The following NOM1 variants were observed in gnomAD, a reference collection of about 807,000 sequenced individuals.
NOM1 encodes the protein nucleolar MIF4G domain-containing protein 1.
A neutral mutation model predicts 73.3 loss-of-function variants in NOM1; 58 were observed. The ratio of observed to expected loss-of-function variants is 0.79; its 90% CI spans 0.64 to 0.99. The LOEUF (loss-of-function observed/expected upper bound fraction) is 0.99, where lower values mean the gene tolerates loss of function less well. NOM1 is among the 50% of genes least tolerant of loss of function. NOM1 has a pLI of 0.00. For synonymous variants in NOM1, 487 were observed against 446.8 expected (o/e 1.09, Z -1.14); for missense variants, 1,226 against 1,131.9 (o/e 1.08, Z -1.19).
At chr7:156,967,349 G>T (rs1391728776) in intron 9 of NOM1, among the ~76,000 whole-genome samples, 1 of 152,134 alleles carries the variant, frequency 6.6e-6, no homozygotes, top group Non-Finnish European at 1.5e-5. Flanking sequence ...TTAATTTGCT[G>T]GTCCTAATTA....
chr7:156,951,889 G>T (rs1247110799), intron 1 of NOM1, among the ~76,000 whole-genome samples: 2 of 152,020 alleles, frequency 1.3e-5, no homozygotes, highest in Non-Finnish European at 2.9e-5. Context: ...TGTATTTTCA[G>T]TAGAGATGGG....
chr7:156,973,121 A>G lies in NOM1; in HGVS notation c.*3418A>G, dbSNP rs564559998. ...TCAGGGTATCATTTTTAAAGGTATA[A>G]GGAACAAACTTTAATGTATTGAAAT... On this transcript the variant is annotated 3_prime_UTR_variant, in exon 11 of 11. Transcript: ENST00000275820. The G allele has an allele frequency of 7.9e-5, 12 of 152,286 alleles. No individual in the cohort carries two copies. The highest frequency in any genetic ancestry group is 2.0e-4 in the Admixed American group (3 of 15,302). The allele number at this position is 152,286 out of a possible 1,614,324, so 9.4% of individuals were successfully genotyped here.
chr7:156,962,797 G>T (rs1234719000), intron 5 of NOM1, among the ~76,000 whole-genome samples: 2 of 152,170 alleles, frequency 1.3e-5, no homozygotes, highest in Non-Finnish European at 2.9e-5. Flanking sequence ...AACACAGCGT[G>T]TTTGGGGTGA....
chr7:156,966,439 A>C (rs755725898), intron 8 of NOM1, 37 bp downstream of exon 8: 1 of 1,611,450 alleles, frequency 6.2e-7, no homozygotes, highest in Admixed American at 1.7e-5. Context: ...CGTCCGCTCT[A>C]CTATTTTTTC....
intron 3 of NOM1, among the ~76,000 whole-genome samples, chr7:156,956,438 A>G (rs759341705): frequency 6.6e-6 from 1 of 152,226 alleles, no homozygotes; most frequent in Non-Finnish European, 1.5e-5. Flanking sequence ...ATAAGCGCTC[A>G]TTGAAGGCTC....
chr7:156,952,576 C>T lies in NOM1; in HGVS notation c.1090C>T (p.His364Tyr). 6.2e-7 allele frequency: 1 copy of T among 1,613,904 alleles called. No individual in the cohort carries two copies. The highest frequency in any genetic ancestry group is 8.5e-7 in the Non-Finnish European group (1 of 1,179,960). The part of the protein sequence containing the change: ...KKEELERLKK[H>Y]VKGLLNRLSE... ...GGAAGAACTAGAAAGGCTGAAGAAA[C>T]ATGTAAAAGGTCTACTTAACAGGTG... is the stretch of plus-strand genomic sequence containing the variant. Residue 364 changes from histidine (H) to tyrosine (Y), a missense_variant, in exon 2 of 11, where the codon CAT (histidine) becomes TAT (tyrosine). Physicochemically the swap from His to Tyr is moderately conservative, Grantham distance 83. Transcript: ENST00000275820.
Position 156,952,651 on chromosome 7 carries a change from T to C in NOM1, c.1112+53T>C, listed in dbSNP as rs1401474978. 5 of 1,571,860 alleles carry C rather than the reference T, an allele frequency of 3.2e-6. No homozygotes were observed. In the Admixed American group the frequency reaches 7.3e-5, roughly 23 times the overall value. On this transcript the variant is annotated intron_variant, in intron 2 of 10. Coordinates refer to ENST00000275820, the MANE Select transcript of NOM1 (RefSeq NM_138400.2). ...TCACTTAGAGAGGTTGTCTGTTTCC[T>C]AAAATGTAGGAATTATCCCAGCAAT...
At chr7:156,951,320 G>A (rs1804586903) in intron 1 of NOM1, among the ~76,000 whole-genome samples, 1 of 152,160 alleles carries the variant, frequency 6.6e-6, no homozygotes, top group Non-Finnish European at 1.5e-5. Context: ...CAGGGAGGCA[G>A]AGGTTGCACT....
chr7:156,960,330 G>A (rs1804833496), intron 4 of NOM1, 156 bp downstream of exon 4: 2 of 622,444 alleles, frequency 3.2e-6, no homozygotes, highest in African/African-American at 1.8e-5. Context: ...ATATGTGAAT[G>A]GACCTTATTC....
At position 156,950,180 on chromosome 7, in the gene NOM1, G is replaced by T; in HGVS notation, c.443G>T (p.Arg148Leu). The T allele has an allele frequency of 6.2e-7, 1 of 1,605,392 alleles. No individual in the cohort carries two copies. The highest frequency in any genetic ancestry group is 1.1e-5 in the South Asian group (1 of 90,886). ...PSPPRKPRPS[R>L]VKAKATAATA... ...CCTCCCAGGAAGCCGCGGCCGTCCC[G>T]GGTCAAGGCCAAGGCCACGGCCGCC... The change falls in exon 1 of 11, where the codon CGG (arginine) becomes CTG (leucine). Residue 148 changes from arginine to leucine, a missense_variant. Physicochemically the swap from Arg to Leu is moderately radical, Grantham distance 102. Transcript: ENST00000275820.
rs199506032 is a variant in NOM1, at chr7:156,959,936, T to C, written c.1394T>C (p.Leu465Pro). Residue 465 changes from leucine (L) to proline (P), a missense_variant, in exon 4 of 11, where the codon CTG becomes CCG. Coordinates refer to ENST00000275820, the MANE Select transcript of NOM1 (RefSeq NM_138400.2). ...AGCGAAGGGAAAGAGTGTGACAACC[T>C]GTTCACCGTCATTGCCCATTTATAC... Reference protein sequence around the residue: ...YGSEGKECDNLFTVIAHLYNF... With the variant: ...YGSEGKECDNPFTVIAHLYNF... The C allele has an allele frequency of 1.2e-6, 2 of 1,613,426 alleles. No homozygotes were observed. The highest frequency in any genetic ancestry group is 1.7e-6 in the Non-Finnish European group (2 of 1,179,748).
chr7:156,967,067 A>G lies in NOM1; in HGVS notation c.2273A>G (p.Lys758Arg), dbSNP rs768784012. 6 of 1,613,118 alleles carry G rather than the reference A, an allele frequency of 3.7e-6. No individual in the cohort carries two copies. The highest frequency in any genetic ancestry group is 4.2e-6 in the Non-Finnish European group (5 of 1,179,802). Residue 758 changes from lysine to arginine, a missense_variant, in exon 9 of 11, where the codon AAA (lysine) becomes AGA (arginine). Coordinates refer to ENST00000275820, the MANE Select transcript of NOM1 (RefSeq NM_138400.2). ...CTGGTGGCCCACTTGTTGAAGACAA[A>G]ATCGCTTTCCCTTTCCATCTTAAAG... ...VHLVAHLLKT[K>R]SLSLSILKVV...
rs77215513 is a variant in NOM1, at chr7:156,968,599, C to A, written c.2299-488C>A. On this transcript the variant is annotated intron_variant, in intron 9 of 10. Coordinates refer to ENST00000275820, the MANE Select transcript of NOM1 (RefSeq NM_138400.2). ...ACGTATGCCTCAGTTTATATACTTA[C>A]TTATCCTACTGATCCGTGTTTATTT... Among the ~76,000 whole-genome samples the A allele has an allele frequency of 2.4e-4, 37 of 151,528 alleles. 1 individual carries two copies. In the East Asian group the frequency reaches 7.0e-3, roughly 29 times the overall value.
chr7:156,957,354 C>T (rs1214466529), intron 3 of NOM1, among the ~76,000 whole-genome samples: 1 of 152,166 alleles, frequency 6.6e-6, no homozygotes, highest in African/African-American at 2.4e-5. Context: ...ACAGGATGTG[C>T]TTGAATAACT....
rs754477692 is a variant in NOM1, at chr7:156,950,180, G to GGGTCAA, written c.446_451dup (p.Val149_Lys150dup). 3 of 1,605,392 alleles carry GGGTCAA rather than the reference G, an allele frequency of 1.9e-6. No homozygotes were observed. In the South Asian group the frequency reaches 3.3e-5, roughly 18 times the overall value. ...CCTCCCAGGAAGCCGCGGCCGTCCC[G>GGGTCAA]GGTCAAGGCCAAGGCCACGGCCGCC... is the stretch of plus-strand genomic sequence containing the variant. On this transcript the variant is annotated inframe_insertion, in exon 1 of 11. Coordinates refer to ENST00000275820, the MANE Select transcript of NOM1 (RefSeq NM_138400.2).
intron 2 of NOM1, among the ~76,000 whole-genome samples, chr7:156,953,579 A>G (rs1241011246): frequency 6.7e-6 from 1 of 150,014 alleles, no homozygotes; most frequent in Non-Finnish European, 1.5e-5. Context: ...CTGGGAATTT[A>G]TATAAACCTC....
chr7:156,961,233 G>A (rs1297936258), intron 4 of NOM1, among the ~76,000 whole-genome samples: 1 of 152,126 alleles, frequency 6.6e-6, no homozygotes, highest in African/African-American at 2.4e-5. Flanking sequence ...ATGGTCCCAG[G>A]AGCCAGGGAA....
In NOM1 at chr7:156,954,257, G is replaced by A. The variant is rs1563678971; in HGVS notation, c.1267G>A (p.Val423Ile). 1 of 1,609,614 alleles carries A rather than the reference G, an allele frequency of 6.2e-7. No individual in the cohort carries two copies. The change falls in exon 3 of 11, where the codon GTT becomes ATT. Residue 423 changes from valine (V) to isoleucine (I), a missense_variant. Val to Ile is a conservative substitution (Grantham distance 29). Transcript: ENST00000275820. Reference sequence around the variant, plus strand: ...GCCCAGCAGACTGATGATGGAGCATGTTCTCTTAGTCAGCATCCTTCACCA... The same window carrying A: ...GCCCAGCAGACTGATGATGGAGCATATTCTCTTAGTCAGCATCCTTCACCA... ...AMPSRLMMEH[V>I]LLVSILHHTV...
At chr7:156,961,068 T>C (rs964354636) in intron 4 of NOM1, among the ~76,000 whole-genome samples, 3 of 152,004 alleles carry the variant, frequency 2.0e-5, no homozygotes, top group African/African-American at 7.2e-5. Context: ...GCTGAAGGGA[T>C]ATGGGGCTGC....
Sources: gnomAD v4.1 joint callset for allele counts (sites outside exome capture counted in the v4.1 genomes callset) on GRCh38, gnomAD v4.1.1 for gene constraint, MANE v1.5 for transcripts, NCBI Gene and HGNC (gene_info 2026-07-23, HGNC 2026-07-21) for gene names.